VPS53: variants seen among roughly 807,000 people sequenced by gnomAD.
VPS53 encodes vacuolar protein sorting-associated protein 53 homolog.
Under a neutral mutation model 107.0 loss-of-function variants are expected in VPS53, and 70 were observed. The ratio of observed to expected loss-of-function variants is 0.65; its 90% CI spans 0.54 to 0.80. VPS53 has a LOEUF of 0.80. Ranked by LOEUF, VPS53 falls within the 30% of genes least tolerant of loss-of-function variation. The pLI, the probability that VPS53 is intolerant of heterozygous loss-of-function variation, is 0.00. For missense variants in VPS53, 917 were observed against 1,049.4 expected, an observed-to-expected ratio of 0.87 and a Z score of 1.74; for synonymous variants, 409 against 393.3, an observed-to-expected ratio of 1.04 and a Z score of -0.47.
intron 4 of VPS53, among the ~76,000 whole-genome samples, chr17:691,387 G>T (rs1029401999): frequency 6.6e-6 from 1 of 152,214 alleles, no homozygotes; most frequent in Non-Finnish European, 1.5e-5. Context: ...CCCCATCACT[G>T]AAAGTAGCCA....
rs150033391 is a variant in VPS53, at chr17:514,647, G to C, written c.*4481C>G. The C allele has an allele frequency of 0.012, 1,879 of 150,334 alleles. 13 individuals carry two copies. Among genetic ancestry groups the C allele is most frequent in the Middle Eastern group, 0.025 (7 of 280 alleles). The allele number at this position is 150,334 out of a possible 1,614,324, so 9.3% of individuals were successfully genotyped here. A position where few individuals can be genotyped will look rare whatever the true frequency, so the allele number is the denominator to read the frequency against. On this transcript the variant is annotated 3_prime_UTR_variant, in exon 22 of 22. Coordinates refer to ENST00000437048, the MANE Select transcript of VPS53 (RefSeq NM_001128159.3). ...TTTCCCCTGGCATTCTTTCAACAGG[G>C]AACCAGGTCTCCTCATCCGATGGCA...
At chr17:671,837 CGCCACCACACCCA>C (rs1211922440) in intron 4 of VPS53, among the ~76,000 whole-genome samples, 1 of 151,838 alleles carries the variant, frequency 6.6e-6, no homozygotes, top group Admixed American at 6.6e-5. Context: ...TACAGGCACC[CGCCACCACACCCA>C]GCTAATTTTT....
chr17:618,901 T>C (rs566633720), intron 11 of VPS53, among the ~76,000 whole-genome samples: 2 of 147,286 alleles, frequency 1.4e-5, no homozygotes, highest in South Asian at 4.3e-4. Context: ...CCACGCCTGC[T>C]AATATTTTCT....
chr17:710,112 TC>T (rs1459394940), intron 2 of VPS53, among the ~76,000 whole-genome samples: 1 of 151,998 alleles, frequency 6.6e-6, no homozygotes, highest in East Asian at 1.9e-4. Flanking sequence ...GCCATTGCAC[TC>T]CAGCCTGAAC....
chr17:586,431 A>T, intron 12 of VPS53, 67 bp from the exon 13 acceptor site: 2 of 1,456,774 alleles, frequency 1.4e-6, no homozygotes, highest in Non-Finnish European at 1.9e-6. Flanking sequence ...GAATTTTTTT[A>T]AAAACATCAT....
chr17:613,350 C>G (rs1264070575), intron 11 of VPS53, among the ~76,000 whole-genome samples: 5 of 151,560 alleles, frequency 3.3e-5, no homozygotes, highest in Non-Finnish European at 7.4e-5. Flanking sequence ...ATAGTGAGTT[C>G]ACACAGTGAA....
At chr17:605,555 T>G (rs1216414939) in intron 11 of VPS53, among the ~76,000 whole-genome samples, 1 of 66,992 alleles carries the variant, frequency 1.5e-5, no homozygotes, top group African/African-American at 6.3e-5. Context: ...GTAAGAGGGG[T>G]GGCGGGAGTC....
intron 5 of VPS53, chr17:657,598 G>A (rs549390982): frequency 1.5e-5 from 11 of 755,892 alleles, no homozygotes; most frequent in South Asian, 4.7e-5. Flanking sequence ...TGCACATAGC[G>A]AAAGTTTCTT....
At chr17:558,111 T>G (rs1912602557) in intron 15 of VPS53, among the ~76,000 whole-genome samples, 1 of 152,204 alleles carries the variant, frequency 6.6e-6, no homozygotes, top group South Asian at 2.1e-4. Context: ...CCTTCCACCT[T>G]GGCTTCCCAA....
At chr17:682,904 A>G (rs1972453896) in intron 4 of VPS53, among the ~76,000 whole-genome samples, 1 of 152,226 alleles carries the variant, frequency 6.6e-6, no homozygotes, top group African/African-American at 2.4e-5. Context: ...AATATGCTAA[A>G]GAATCTGGTA....
intron 4 of VPS53, chr17:674,776 T>C (rs1213040391): frequency 6.6e-6 from 1 of 152,222 alleles, no homozygotes; most frequent in Non-Finnish European, 1.5e-5. Context: ...GATAATTTAG[T>C]ATGGACAAGT....
At chr17:697,269 G>A (rs1421175604) in intron 4 of VPS53, 149 bp downstream of exon 4, 9 of 717,452 alleles carry the variant, frequency 1.3e-5, no homozygotes, top group African/African-American at 7.0e-5. Flanking sequence ...GCACGTGGCT[G>A]CTGTGGGCGC....
intron 12 of VPS53, among the ~76,000 whole-genome samples, chr17:600,648 A>C (rs60861562): frequency 0.061 from 9,215 of 152,232 alleles, 547 homozygotes; most frequent in East Asian, 0.31. Context: ...CTCTTCAATG[A>C]GACATGAGTC....
At chr17:565,032 G>T (rs912094555) in intron 13 of VPS53, among the ~76,000 whole-genome samples, 1 of 152,308 alleles carries the variant, frequency 6.6e-6, no homozygotes, top group African/African-American at 2.4e-5. Context: ...GGAAGAAAAA[G>T]ACAAGAACCA....
At chr17:526,808 C>T (rs1261609373) in intron 19 of VPS53, among the ~76,000 whole-genome samples, 4 of 152,146 alleles carry the variant, frequency 2.6e-5, no homozygotes, top group African/African-American at 7.2e-5. Flanking sequence ...CTTTACTTCC[C>T]GAGGAGCCTC....
intron 2 of VPS53, among the ~76,000 whole-genome samples, chr17:706,810 T>C (rs775058487): frequency 6.6e-6 from 1 of 152,126 alleles, no homozygotes; most frequent in Non-Finnish European, 1.5e-5. Context: ...GTCCCCTCAA[T>C]AGCTCTCAGA....
chr17:648,068 A>G (rs1970778155), intron 7 of VPS53, among the ~76,000 whole-genome samples: 1 of 152,192 alleles, frequency 6.6e-6, no homozygotes, highest in Non-Finnish European at 1.5e-5. Flanking sequence ...CAAGAAGACC[A>G]GGGAGCCTCC....
chr17:645,921 C>G (rs1179827397), intron 7 of VPS53, among the ~76,000 whole-genome samples: 1 of 122,744 alleles, frequency 8.1e-6, no homozygotes, highest in Non-Finnish European at 1.8e-5. Flanking sequence ...TAATTCATAC[C>G]ACGGACTGGA....
chr17:668,898 T>C (rs1056230903), intron 4 of VPS53, among the ~76,000 whole-genome samples: 2 of 152,210 alleles, frequency 1.3e-5, no homozygotes, highest in African/African-American at 4.8e-5. Context: ...ATCGCTTTTT[T>C]CTTCCAGCAA....
Sources: gnomAD v4.1 joint callset for allele counts (sites outside exome capture counted in the v4.1 genomes callset) on GRCh38, gnomAD v4.1.1 for gene constraint, MANE v1.5 for transcripts, NCBI Gene and HGNC (gene_info 2026-07-23, HGNC 2026-07-21) for gene names.